Variants in MACROD2 observed in about 807,000 individuals in gnomAD.
The protein encoded by MACROD2 is ADP-ribose glycohydrolase MACROD2.
In MACROD2, 36 loss-of-function variants were observed where a neutral mutation model predicts 70.4. The ratio of observed to expected loss-of-function variants is 0.51; its 90% CI spans 0.39 to 0.68. The LOEUF (loss-of-function observed/expected upper bound fraction) is 0.68, where lower values mean the gene tolerates loss of function less well. MACROD2 is among the 30% of genes least tolerant of loss of function. The pLI is 0.00. For synonymous variants in MACROD2, 172 were observed against 178.8 expected, an observed-to-expected ratio of 0.96 and a Z score of 0.30; for missense variants, 496 against 538.4, an observed-to-expected ratio of 0.92 and a Z score of 0.78.
intron 3 of MACROD2, among the ~76,000 whole-genome samples, chr20:14,225,078 C>T (rs1276176208): frequency 1.3e-5 from 2 of 152,214 alleles, no homozygotes; most frequent in African/African-American, 4.8e-5. Flanking sequence ...TGGGTGTTCA[C>T]TGACATCTTT....
chr20:15,066,118 T>A (rs986859501), intron 5 of MACROD2, among the ~76,000 whole-genome samples: 4 of 151,138 alleles, frequency 2.6e-5, no homozygotes, highest in East Asian at 1.9e-4. Flanking sequence ...TTTCTTTTTT[T>A]TTTTTATTTT....
At chr20:15,102,732 C>T (rs1259795167) in intron 5 of MACROD2, among the ~76,000 whole-genome samples, 4 of 41,216 alleles carry the variant, frequency 9.7e-5, no homozygotes, top group Non-Finnish European at 1.5e-4. Flanking sequence ...AGATAAACTC[C>T]CACGTGTGAA....
intron 2 of MACROD2, among the ~76,000 whole-genome samples, chr20:14,057,580 T>C (rs145103826): frequency 2.4e-3 from 370 of 152,308 alleles, no homozygotes; most frequent in Non-Finnish European, 3.6e-3. Flanking sequence ...TTTTTGCTGC[T>C]GGTGGGAAAA....
chr20:16,041,662 C>T (rs1036123917), intron 16 of MACROD2, among the ~76,000 whole-genome samples: 2 of 151,940 alleles, frequency 1.3e-5, no homozygotes, highest in African/African-American at 4.8e-5. Context: ...TTCGGGAGAG[C>T]CCTACCTTTG....
intron 4 of MACROD2, among the ~76,000 whole-genome samples, chr20:14,560,658 A>G (rs1158802747): frequency 6.6e-6 from 1 of 151,898 alleles, no homozygotes; most frequent in African/African-American, 2.4e-5. Context: ...ATATTGTTAT[A>G]CATGTTTTCT....
intron 13 of MACROD2, among the ~76,000 whole-genome samples, chr20:15,978,844 G>T (rs899029705): frequency 1.3e-5 from 2 of 152,190 alleles, no homozygotes; most frequent in African/African-American, 2.4e-5. Context: ...TGGGAAAACC[G>T]AAATATTTTG....
intron 2 of MACROD2, chr20:14,053,248 G>C (rs1268381858): frequency 6.6e-6 from 1 of 152,000 alleles, no homozygotes; most frequent in Admixed American, 6.6e-5. Flanking sequence ...AGACAAAAAG[G>C]GTGATAGAAA....
intron 3 of MACROD2, among the ~76,000 whole-genome samples, chr20:14,105,038 T>C (rs2054350500): frequency 6.6e-6 from 1 of 152,178 alleles, no homozygotes; most frequent in Non-Finnish European, 1.5e-5. Context: ...TGCAACCTTA[T>C]TTGGAATATT....
At chr20:14,993,192 T>G (rs2074920178) in intron 5 of MACROD2, among the ~76,000 whole-genome samples, 1 of 152,134 alleles carries the variant, frequency 6.6e-6, no homozygotes, top group African/African-American at 2.4e-5. Context: ...CCCTTGCTAT[T>G]CGTGAACTTG....
At chr20:15,665,308 A>G (rs898751155) in intron 8 of MACROD2, among the ~76,000 whole-genome samples, 3 of 152,186 alleles carry the variant, frequency 2.0e-5, no homozygotes, top group Non-Finnish European at 4.4e-5. Context: ...CACTAAACTT[A>G]TGGTCGGCAG....
intron 3 of MACROD2, among the ~76,000 whole-genome samples, chr20:14,435,168 G>A (rs539970722): frequency 2.6e-5 from 4 of 152,130 alleles, no homozygotes; most frequent in African/African-American, 7.2e-5. Flanking sequence ...CTTCCAATTT[G>A]TGGTGGCTTT....
At chr20:14,945,125 CT>C (rs1030672938) in intron 5 of MACROD2, among the ~76,000 whole-genome samples, 2 of 146,188 alleles carry the variant, frequency 1.4e-5, no homozygotes, top group African/African-American at 5.0e-5. Context: ...TTTTTTTTTT[CT>C]TTTTTTTGGA....
intron 8 of MACROD2, among the ~76,000 whole-genome samples, chr20:15,580,784 G>A (rs989363402): frequency 6.6e-6 from 1 of 152,092 alleles, no homozygotes; most frequent in African/African-American, 2.4e-5. Context: ...CATAACAAAT[G>A]GTTATGGCTC....
intron 5 of MACROD2, among the ~76,000 whole-genome samples, chr20:15,079,715 T>A (rs1305954935): frequency 6.6e-6 from 1 of 152,044 alleles, no homozygotes; most frequent in East Asian, 1.9e-4. Flanking sequence ...TAAGTCCTCC[T>A]TTCTGCCTGC....
intron 8 of MACROD2, among the ~76,000 whole-genome samples, chr20:15,674,110 G>A (rs775855174): frequency 9.9e-5 from 15 of 152,148 alleles, no homozygotes; most frequent in African/African-American, 2.9e-4. Context: ...GTGGTTCTGC[G>A]TTTCTAACAA....
chr20:15,464,722 C>T (rs954505033), intron 7 of MACROD2, among the ~76,000 whole-genome samples: 2 of 152,226 alleles, frequency 1.3e-5, no homozygotes, highest in African/African-American at 4.8e-5. Context: ...AGAACTCCAT[C>T]TTAAGATAGC....
intron 5 of MACROD2, among the ~76,000 whole-genome samples, chr20:15,219,292 G>A (rs2076837905): frequency 6.6e-6 from 1 of 152,202 alleles, no homozygotes; most frequent in Non-Finnish European, 1.5e-5. Flanking sequence ...AATAGCTCTA[G>A]TGCACAGTAA....
intron 6 of MACROD2, among the ~76,000 whole-genome samples, chr20:15,258,906 A>C (rs2077223493): frequency 6.6e-6 from 1 of 152,050 alleles, no homozygotes; most frequent in Non-Finnish European, 1.5e-5. Flanking sequence ...TAAGATTGCT[A>C]AGTTAGAGAT....
At chr20:15,939,859 C>T (rs2065724580) in intron 12 of MACROD2, among the ~76,000 whole-genome samples, 1 of 151,984 alleles carries the variant, frequency 6.6e-6, no homozygotes, top group Non-Finnish European at 1.5e-5. Context: ...GAAGGTGATT[C>T]CAACCCTCAT....
Sources: allele counts gnomAD v4.1 joint callset (sites outside exome capture counted in the v4.1 genomes callset), GRCh38; gene constraint gnomAD v4.1.1; transcripts MANE v1.5; gene names NCBI Gene and HGNC (gene_info 2026-07-23, HGNC 2026-07-21).